FGD5: variants seen among roughly 807,000 people sequenced by gnomAD.
The protein encoded by FGD5 is FYVE, RhoGEF and PH domain-containing protein 5.
In FGD5, 28 loss-of-function variants were observed where a neutral mutation model predicts 133.4. That is an observed-to-expected ratio of 0.21 (90% CI 0.16 to 0.29). The LOEUF (loss-of-function observed/expected upper bound fraction) is 0.29, where lower values mean the gene tolerates loss of function less well. FGD5 is among the 10% of genes least tolerant of loss of function. The pLI, the probability that FGD5 is intolerant of heterozygous loss-of-function variation, is 1.00. For missense variants in FGD5, 1,858 were observed against 1,895.2 expected (o/e 0.98, Z 0.36); for synonymous variants, 810 against 776.5 (o/e 1.04, Z -0.72).
chr3:14,923,936 G>A, intron 16 of FGD5, 72 bp from the exon 17 acceptor site: 2 of 1,576,208 alleles, frequency 1.3e-6, no homozygotes, highest in Non-Finnish European at 1.7e-6. Flanking sequence ...GATTTTACAG[G>A]AATCAGTGTT....
chr3:14,922,945 G>A lies in FGD5; in HGVS notation c.3808-101G>A. 1 of 1,533,542 alleles carries A rather than the reference G, an allele frequency of 6.5e-7. No homozygotes were observed. Among genetic ancestry groups the A allele is most frequent in the East Asian group, 2.3e-5 (1 of 44,228 alleles). The allele number at this position is 1,533,542 out of a possible 1,614,324, so 95.0% of individuals were successfully genotyped here. A position where few individuals can be genotyped will look rare whatever the true frequency, so the allele number is the denominator to read the frequency against. On this transcript the variant is annotated intron_variant, in intron 15 of 19. Transcript: ENST00000285046. This position sits in a 1 kb window ranked among gnomAD's most constrained non-coding sequence, Gnocchi z 4.1. ...ATGATCAGAACCTGGGGCTCCCTAG[G>A]GGCAGTTGTGGGTGGATTAGCAGAG...
chr3:14,879,278 G>T (rs971180405), intron 2 of FGD5, among the ~76,000 whole-genome samples: 12 of 152,198 alleles, frequency 7.9e-5, no homozygotes, highest in Non-Finnish European at 1.5e-4. Flanking sequence ...TGCCAGCCAC[G>T]CCTGCACATT....
chr3:14,912,928 C>T (rs751682570), intron 11 of FGD5, among the ~76,000 whole-genome samples: 168 of 152,092 alleles, frequency 1.1e-3, no homozygotes, highest in Non-Finnish European at 2.1e-3. Flanking sequence ...CCTAGCTACT[C>T]AGGAGGCAGA....
intron 1 of FGD5, among the ~76,000 whole-genome samples, chr3:14,834,449 G>A (rs979215730): frequency 3.9e-5 from 6 of 152,184 alleles, no homozygotes; most frequent in African/African-American, 1.4e-4. Flanking sequence ...CTGGCAGTTT[G>A]CAAGTGCTCA....
chr3:14,901,717 C>T (rs1364360748), intron 9 of FGD5, among the ~76,000 whole-genome samples: 4 of 152,146 alleles, frequency 2.6e-5, no homozygotes, highest in African/African-American at 4.8e-5. Flanking sequence ...AGATGATGGC[C>T]ATGTGTGCCG....
Position 14,917,548 on chromosome 3 carries a change from T to A in FGD5, c.3489+216T>A, listed in dbSNP as rs1194574540. Among the ~76,000 whole-genome samples, 1 of 150,722 alleles carries A rather than the reference T, an allele frequency of 6.6e-6. No homozygotes were observed. Among genetic ancestry groups the A allele is most frequent in the African/African-American group, 2.4e-5 (1 of 40,818 alleles). On this transcript the variant is annotated intron_variant, in intron 12 of 19. Coordinates refer to ENST00000285046, the MANE Select transcript of FGD5 (RefSeq NM_152536.4). This position sits in a 1 kb window ranked among gnomAD's most constrained non-coding sequence, Gnocchi z 4.1. ...GGAAGAGGAGACTGAACCCTTAGAG[T>A]GGATAATATTTGGTCGGATCAGGAA...
intron 1 of FGD5, among the ~76,000 whole-genome samples, chr3:14,811,582 A>G (rs1002014546): frequency 1.3e-5 from 2 of 151,724 alleles, no homozygotes; most frequent in Non-Finnish European, 2.9e-5. Flanking sequence ...CCCCCAGTCC[A>G]TCGCGTTCCT....
intron 4 of FGD5, chr3:14,896,853 A>G (rs2038148829): frequency 6.6e-6 from 1 of 152,224 alleles, no homozygotes; most frequent in African/African-American, 2.4e-5. Flanking sequence ...AAATAGAAAC[A>G]AGAAGATTCA....
intron 10 of FGD5, among the ~76,000 whole-genome samples, chr3:14,907,975 C>T (rs904284981): frequency 7.9e-5 from 12 of 152,216 alleles, no homozygotes; most frequent in Admixed American, 6.5e-5. Flanking sequence ...CTGTGGCTCT[C>T]CTCACCTCCA....
chr3:14,906,304 G>A (rs530413739), intron 9 of FGD5, among the ~76,000 whole-genome samples: 1 of 152,350 alleles, frequency 6.6e-6, no homozygotes, highest in East Asian at 1.9e-4. Flanking sequence ...CTCCATGGCG[G>A]CTGAGCTCTG....
At chr3:14,920,301 T>A (rs1385022360) in intron 13 of FGD5, 1 of 151,998 alleles carries the variant, frequency 6.6e-6, no homozygotes, top group Non-Finnish European at 1.5e-5. Context: ...CGGTTCTGAG[T>A]GTGAAATGGG....
rs373811300 is a variant in FGD5, at chr3:14,880,667, A to G, written c.2717+37A>G. 6 of 1,614,040 alleles carry G rather than the reference A, an allele frequency of 3.7e-6. No individual in the cohort carries two copies. The African/African-American group carries it at 4.0e-5, about 11-fold the overall frequency. On this transcript the variant is annotated intron_variant, in intron 3 of 19. Transcript: ENST00000285046. ...AGGAGCTGCCTGTGGCCTTGAGCTT[A>G]TAAACAAAACGTCACCCTCCTGGGC...
chr3:14,921,882 G>A, intron 13 of FGD5, 36 bp from the exon 14 acceptor site: 1 of 1,538,316 alleles, frequency 6.5e-7, no homozygotes, highest in Non-Finnish European at 8.8e-7. Context: ...AGGCAGAGCT[G>A]CTCCTGCCTT....
At chr3:14,918,586 G>A (rs551286545) in intron 12 of FGD5, among the ~76,000 whole-genome samples, 168 bp from the exon 13 acceptor site, 1 of 152,340 alleles carries the variant, frequency 6.6e-6, no homozygotes, top group South Asian at 2.1e-4. Context: ...GATGGAGCTG[G>A]CAGCCAGGCA....
At chr3:14,877,675 C>T (rs1026950051) in intron 2 of FGD5, among the ~76,000 whole-genome samples, 4 of 152,134 alleles carry the variant, frequency 2.6e-5, no homozygotes, top group South Asian at 2.1e-4. Context: ...TCTGAGGATC[C>T]GGAGTGAGGA....
At chr3:14,854,942 G>A (rs1232939120) in intron 1 of FGD5, among the ~76,000 whole-genome samples, 1 of 152,012 alleles carries the variant, frequency 6.6e-6, no homozygotes. Flanking sequence ...CAGTGCTATG[G>A]AACCCTAGAA....
At chr3:14,847,719 C>G (rs1023260468) in intron 1 of FGD5, among the ~76,000 whole-genome samples, 1 of 152,222 alleles carries the variant, frequency 6.6e-6, no homozygotes, top group African/African-American at 2.4e-5. Context: ...TTTTGGAAAT[C>G]TAGGCAGGCT....
intron 10 of FGD5, among the ~76,000 whole-genome samples, chr3:14,908,830 A>T (rs2038388236): frequency 6.6e-6 from 1 of 151,660 alleles, no homozygotes; most frequent in Admixed American, 6.6e-5. Flanking sequence ...CAGTGAGCCG[A>T]GATCGCGCCA....
chr3:14,818,308 C>A (rs2036409979), upstream of FGD5, among the ~76,000 whole-genome samples: 1 of 152,170 alleles, frequency 6.6e-6, no homozygotes. Flanking sequence ...CCAGACGTGA[C>A]CCCCAGCAGA....
Sources: allele counts gnomAD v4.1 joint callset (sites outside exome capture counted in the v4.1 genomes callset), GRCh38; gene constraint gnomAD v4.1.1; non-coding constraint Gnocchi (gnomAD v3.1); transcripts MANE v1.5; gene names NCBI Gene and HGNC (gene_info 2026-07-23, HGNC 2026-07-21).